PKP1: variants seen among roughly 807,000 people sequenced by gnomAD.
PKP1 encodes plakophilin-1.
A neutral mutation model predicts 76.4 loss-of-function variants in PKP1; 27 were observed. That is an observed-to-expected ratio of 0.35 (90% CI 0.26 to 0.49). The LOEUF (loss-of-function observed/expected upper bound fraction) is 0.49. Ranked by LOEUF, PKP1 falls within the 20% of genes least tolerant of loss-of-function variation. The pLI is 0.99. For missense variants in PKP1, 964 were observed against 955.2 expected (o/e 1.01, Z -0.12); for synonymous variants, 404 against 384.2 (o/e 1.05, Z -0.60).
At chr1:201,320,547 G>A (rs1465465889) in intron 7 of PKP1, among the ~76,000 whole-genome samples, 166 bp downstream of exon 7, 1 of 152,182 alleles carries the variant, frequency 6.6e-6, no homozygotes, top group Non-Finnish European at 1.5e-5. Context: ...TGGGCTCTGG[G>A]GACAGCGTGC....
At chr1:201,294,100 G>T in intron 2 of PKP1, 55 bp downstream of exon 2, 2 of 1,215,996 alleles carry the variant, frequency 1.6e-6, no homozygotes, top group Non-Finnish European at 2.4e-6. Context: ...GATGGTTTGA[G>T]GTTTATAGTG....
chr1:201,285,446 C>T (rs1368697104), intron 1 of PKP1, among the ~76,000 whole-genome samples: 1 of 152,188 alleles, frequency 6.6e-6, no homozygotes, highest in Non-Finnish European at 1.5e-5. Flanking sequence ...CCAGGCTCCT[C>T]TCGTCACATT....
At chr1:201,291,647 CT>C (rs1277982193) in intron 1 of PKP1, among the ~76,000 whole-genome samples, 1 of 152,228 alleles carries the variant, frequency 6.6e-6, no homozygotes, top group Non-Finnish European at 1.5e-5. Context: ...CCATAAAGTT[CT>C]GTCTGTCACC....
rs763130822 is a variant in PKP1 at position 201,323,118 on chromosome 1, A to G, written c.1609A>G (p.Lys537Glu). The G allele has an allele frequency of 3.7e-6, 6 of 1,614,070 alleles. No individual in the cohort carries two copies. The East Asian group carries it at 1.3e-4, about 36-fold the overall frequency. The change falls in exon 9 of 14, where the codon AAG becomes GAG. Residue 537 changes from lysine (K) to glutamate (E), a missense_variant. By Grantham distance (56) the Lys-to-Glu change is moderately conservative. Transcript: ENST00000367324. ...CCGCACCTACCTGAACCTCATGGGCAAGAGCAAGAAAGATGCTACCCTGGA... is the reference window on the plus strand; with the variant it reads ...CCGCACCTACCTGAACCTCATGGGCGAGAGCAAGAAAGATGCTACCCTGGA... ...AIRTYLNLMG[K>E]SKKDATLEAC...
At chr1:201,299,260 G>A (rs1288663595) in intron 2 of PKP1, among the ~76,000 whole-genome samples, 2 of 152,220 alleles carry the variant, frequency 1.3e-5, no homozygotes, top group African/African-American at 4.8e-5. Flanking sequence ...CTAGCTGTGT[G>A]ACTCTAGTCA....
rs774416641 is a variant in PKP1, at chr1:201,320,233, T to C, written c.1233-34T>C. ...CCTTCCCCGTTCTCTCTTCCCCCTTTCTCTGCCCTCTTCCACCCTCTTCTC... is the reference window on the plus strand; with the variant it reads ...CCTTCCCCGTTCTCTCTTCCCCCTTCCTCTGCCCTCTTCCACCCTCTTCTC... On this transcript the variant is annotated intron_variant, in intron 6 of 13. Coordinates refer to ENST00000367324, the MANE Select transcript of PKP1 (RefSeq NM_001005337.3). 4 of 1,385,682 alleles carry C rather than the reference T, an allele frequency of 2.9e-6. No individual in the cohort carries two copies. The South Asian group carries it at 3.5e-5, about 12-fold the overall frequency. The allele number at this position is 1,385,682 out of a possible 1,614,324, so 85.8% of individuals were successfully genotyped here. A position where few individuals can be genotyped will look rare whatever the true frequency, so the allele number is the denominator to read the frequency against.
intron 2 of PKP1, among the ~76,000 whole-genome samples, chr1:201,298,478 TC>T: frequency 1.3e-5 from 2 of 152,222 alleles, no homozygotes; most frequent in Middle Eastern, 6.8e-3. Context: ...CTTCTGGGAG[TC>T]CTACCAAGTA....
At chr1:201,305,190 G>T (rs116767611) in intron 2 of PKP1, among the ~76,000 whole-genome samples, 2,153 of 152,244 alleles carry the variant, frequency 0.014, 38 homozygotes, top group African/African-American at 0.049. Context: ...AGCACTGAAG[G>T]TCCCAGTCAA....
chr1:201,329,696 G>A (rs913958661), intron 13 of PKP1, among the ~76,000 whole-genome samples: 1 of 152,272 alleles, frequency 6.6e-6, no homozygotes, highest in African/African-American at 2.4e-5. Context: ...TCCCTGGTGG[G>A]GAGAGAGGAC....
At position 201,313,210 on chromosome 1, in the gene PKP1, C is replaced by G; in HGVS notation, c.351C>G (p.Phe117Leu). The stretch of plus-strand genomic sequence containing the variant: ...AGCGGGAGCCTGACAACAGGCGCTT[C>G]AGCTCCTACAGCCAGATGGAGAACT... The part of the protein sequence containing the change: ...TLKREPDNRR[F>L]SSYSQMENWS... Residue 117 changes from phenylalanine to leucine, a missense_variant, in exon 3 of 14, where the codon TTC becomes TTG. By Grantham distance (22) the Phe-to-Leu change is conservative. Coordinates refer to ENST00000367324, the MANE Select transcript of PKP1 (RefSeq NM_001005337.3). 6.2e-7 allele frequency: 1 copy of G among 1,605,788 alleles called. No homozygotes were observed. The highest frequency in any genetic ancestry group is 8.5e-7 in the Non-Finnish European group (1 of 1,176,542).
At position 201,324,581 on chromosome 1, in the gene PKP1, G is replaced by A; in HGVS notation, c.1834G>A (p.Gly612Arg). ...CCACCCTCTGCTGCACAGAGTGATG[G>A]GTAAGGTCCCTCTCTCTCCTCCCCC... ...SRHPLLHRVM[G>R]NQVFPEVTRL... The change falls in exon 10 of 14, where the codon GGG becomes AGG. Residue 612 changes from glycine (G) to arginine (R), a missense_variant and splice_region_variant. Coordinates refer to ENST00000367324, the MANE Select transcript of PKP1 (RefSeq NM_001005337.3). 6.2e-7 allele frequency: 1 copy of A among 1,614,024 alleles called. No individual in the cohort carries two copies. Among genetic ancestry groups the A allele is most frequent in the Non-Finnish European group, 8.5e-7 (1 of 1,179,976 alleles).
intron 4 of PKP1, among the ~76,000 whole-genome samples, chr1:201,316,922 T>C (rs1043091061): frequency 1.3e-5 from 2 of 152,172 alleles, no homozygotes; most frequent in African/African-American, 2.4e-5. Context: ...AATTCCTCCA[T>C]TGGTCATGGA....
At chr1:201,300,007 A>C (rs565205321) in intron 2 of PKP1, among the ~76,000 whole-genome samples, 1 of 152,340 alleles carries the variant, frequency 6.6e-6, no homozygotes, top group East Asian at 1.9e-4. Flanking sequence ...CTGCTCCAAG[A>C]GGGAGCAATT....
At chr1:201,319,901 G>A (rs554982556) in intron 6 of PKP1, 280 of 1,613,072 alleles carry the variant, frequency 1.7e-4, no homozygotes, top group Middle Eastern at 8.3e-4. Context: ...ATGCAGCTGC[G>A]GAGGGACCGT....
At chr1:201,286,116 ACCTCTACTCACTCTGCTC>A (rs1655727339) in intron 1 of PKP1, among the ~76,000 whole-genome samples, 1 of 151,932 alleles carries the variant, frequency 6.6e-6, no homozygotes, top group Non-Finnish European at 1.5e-5. Flanking sequence ...CTCTGCGGCC[ACCTCTACTCACTCTGCTC>A]CCTCTTTCTT....
rs201942649 is a variant in PKP1 at position 201,313,393 on chromosome 1, G to A, written c.534G>A (p.Lys178=). The A allele has an allele frequency of 1.3e-6, 2 of 1,584,262 alleles. No individual in the cohort carries two copies. The highest frequency in any genetic ancestry group is 1.7e-6 in the Non-Finnish European group (2 of 1,164,924). The part of the protein sequence containing the change: ...RKGTLGSKGQ[K]TTQNRYSFYS... ...GCACGCTGGGCAGCAAGGGCCAGAA[G>A]ACCACCCAGAACCGCTACAGCTTTT... The change falls in exon 3 of 14, where the codon AAG becomes AAA. Residue 178 remains lysine (K), a synonymous_variant. Transcript: ENST00000367324.
intron 12 of PKP1, among the ~76,000 whole-genome samples, chr1:201,327,183 T>TA (rs1657150718): frequency 6.6e-6 from 1 of 152,056 alleles, no homozygotes; most frequent in Non-Finnish European, 1.5e-5. Context: ...AAACAGTGGG[T>TA]AAAAAGAGAT....
chr1:201,310,151 G>A (rs1247904613), intron 2 of PKP1, among the ~76,000 whole-genome samples: 1 of 152,088 alleles, frequency 6.6e-6, no homozygotes, highest in Non-Finnish European at 1.5e-5. Flanking sequence ...TCTCCTTTAG[G>A]AGCCAAGTCC....
chr1:201,296,137 C>T (rs1571542699), intron 2 of PKP1, among the ~76,000 whole-genome samples: 1 of 152,324 alleles, frequency 6.6e-6, no homozygotes, highest in African/African-American at 2.4e-5. Context: ...GTCCCATCTC[C>T]TTTCAGTTCA....
Sources: gnomAD v4.1 joint callset for allele counts (sites outside exome capture counted in the v4.1 genomes callset) on GRCh38, gnomAD v4.1.1 for gene constraint, MANE v1.5 for transcripts, NCBI Gene and HGNC (gene_info 2026-07-23, HGNC 2026-07-21) for gene names.